Variants in POU2AF1 observed in about 807,000 individuals in gnomAD.
The protein encoded by POU2AF1 is POU domain class 2-associating factor 1.
A neutral mutation model predicts 26.3 loss-of-function variants in POU2AF1; 12 were observed. The observed-to-expected ratio is 0.46, with a 90% CI of 0.29 to 0.74. The LOEUF is 0.74. POU2AF1 is among the 30% of genes least tolerant of loss of function. The probability of loss-of-function intolerance (pLI) is 0.09; values close to 1 mark genes in which losing one functional copy is unlikely to be tolerated. For missense variants in POU2AF1, 297 were observed against 334.5 expected (o/e 0.89, Z 0.87); for synonymous variants, 175 against 148.0 (o/e 1.18, Z -1.32).
intron 1 of POU2AF1, among the ~76,000 whole-genome samples, chr11:111,371,208 T>C (rs946880524): frequency 6.6e-6 from 1 of 152,214 alleles, no homozygotes; most frequent in Admixed American, 6.5e-5. Context: ...TTAAGACTGG[T>C]CAAATCCTTT....
Position 111,358,780 on chromosome 11 carries a change from A to G in POU2AF1, c.147+8T>C. 6.4e-7 allele frequency: 1 copy of G among 1,574,530 alleles called. No homozygotes were observed. The highest frequency in any genetic ancestry group is 8.6e-7 in the Non-Finnish European group (1 of 1,164,554). ...CACACTCACACTCTCACACACACAA[A>G]CTCTCACCGCCGTAGGTGCAGGTGC... On this transcript the variant is annotated splice_region_variant and intron_variant, in intron 2 of 4. Coordinates refer to ENST00000393067, the MANE Select transcript of POU2AF1 (RefSeq NM_006235.3).
At chr11:111,363,181 C>T in intron 1 of POU2AF1, 1 of 1,014,312 alleles carries the variant, frequency 9.9e-7, no homozygotes, top group Non-Finnish European at 1.2e-6. Context: ...GTCCCCACCT[C>T]TTCCTATTGA....
chr11:111,374,308 G>A (rs1233315552), intron 1 of POU2AF1, among the ~76,000 whole-genome samples: 2 of 152,096 alleles, frequency 1.3e-5, no homozygotes, highest in Non-Finnish European at 2.9e-5. Flanking sequence ...AATTAAATCT[G>A]TGTATTTGGT....
chr11:111,354,219 A>T lies in POU2AF1; in HGVS notation c.*42T>A. ...GGGGCTCAATTCCAGGCTCATTTTA[A>T]AATCCCAGTTTCAGGGAACAGGACT... is the stretch of plus-strand genomic sequence containing the variant. On this transcript the variant is annotated 3_prime_UTR_variant, in exon 5 of 5. Transcript: ENST00000393067. 6.3e-7 allele frequency: 1 copy of T among 1,595,962 alleles called. No individual in the cohort carries two copies. The highest frequency in any genetic ancestry group is 8.5e-7 in the Non-Finnish European group (1 of 1,171,388).
At chr11:111,364,698 C>G (rs1861071708) in intron 1 of POU2AF1, among the ~76,000 whole-genome samples, 1 of 152,246 alleles carries the variant, frequency 6.6e-6, no homozygotes, top group Non-Finnish European at 1.5e-5. Flanking sequence ...GAGAGTTGCT[C>G]TAATGGCGAG....
At chr11:111,362,788 A>G (rs758415183) in intron 1 of POU2AF1, among the ~76,000 whole-genome samples, 8 of 152,148 alleles carry the variant, frequency 5.3e-5, no homozygotes, top group South Asian at 2.1e-4. Flanking sequence ...CACTGTGGTC[A>G]CCCTCTTAAT....
intron 1 of POU2AF1, among the ~76,000 whole-genome samples, chr11:111,362,636 T>C (rs1329857572): frequency 6.6e-6 from 1 of 152,218 alleles, no homozygotes. Context: ...GTTGCACACG[T>C]CAGTTCTGTT....
chr11:111,370,128 A>ATGTG (rs1861180902), intron 1 of POU2AF1, among the ~76,000 whole-genome samples: 1 of 152,196 alleles, frequency 6.6e-6, no homozygotes, highest in South Asian at 2.1e-4. Context: ...TAGCCTTCGC[A>ATGTG]AGTGAGAGTA....
At chr11:111,375,835 A>C (rs1296242375) in intron 1 of POU2AF1, among the ~76,000 whole-genome samples, 4 of 152,256 alleles carry the variant, frequency 2.6e-5, no homozygotes, top group African/African-American at 9.6e-5. Context: ...TCTCTGTCAC[A>C]ACTACTCAAC....
At chr11:111,377,097 T>C (rs1861322430) in intron 1 of POU2AF1, among the ~76,000 whole-genome samples, 1 of 151,658 alleles carries the variant, frequency 6.6e-6, no homozygotes. Context: ...TTTAAAAAAT[T>C]TGGGGGACAG....
At chr11:111,359,135 T>A in intron 1 of POU2AF1, 1 of 741,120 alleles carries the variant, frequency 1.3e-6, no homozygotes, top group Non-Finnish European at 2.1e-6. Flanking sequence ...GCCCAGCTCC[T>A]TGTCCTAGAA....
intron 4 of POU2AF1, among the ~76,000 whole-genome samples, chr11:111,356,449 A>G (rs1860847719): frequency 6.6e-6 from 1 of 152,178 alleles, no homozygotes; most frequent in Non-Finnish European, 1.5e-5. Context: ...GGGAAATGGA[A>G]GAGACAAGGT....
In POU2AF1 at chr11:111,358,814, T is replaced by A; in HGVS notation, c.121A>T (p.Ser41Cys). ...LLRRKRGHAS[S>C]GAAPAPTAVV... ...GCCGTAGGTGCAGGTGCTGCCCCAC[T>A]GCTGGCGTGGCCTCGCTTCCTCCTC... is the stretch of plus-strand genomic sequence containing the variant. The change falls in exon 2 of 5, where the codon AGT becomes TGT. Residue 41 changes from serine (S) to cysteine (C), a missense_variant. Coordinates refer to ENST00000393067, the MANE Select transcript of POU2AF1 (RefSeq NM_006235.3). 1 of 1,604,850 alleles carries A rather than the reference T, an allele frequency of 6.2e-7. No individual in the cohort carries two copies. The highest frequency in any genetic ancestry group is 8.5e-7 in the Non-Finnish European group (1 of 1,178,554).
At chr11:111,366,533 C>A (rs1318589728) in intron 1 of POU2AF1, among the ~76,000 whole-genome samples, 2 of 152,162 alleles carry the variant, frequency 1.3e-5, no homozygotes. Context: ...GTTCTCTGGT[C>A]TGGGTGGAGA....
At chr11:111,358,446 A>ACACTCACACACT (rs753932393) in intron 2 of POU2AF1, among the ~76,000 whole-genome samples, 1 of 101,022 alleles carries the variant, frequency 9.9e-6, no homozygotes, top group African/African-American at 3.6e-5. Flanking sequence ...TCACTCTCAC[A>ACACTCACACACT]CACACACACT....
At chr11:111,370,956 C>T (rs536251071) in intron 1 of POU2AF1, among the ~76,000 whole-genome samples, 1 of 152,336 alleles carries the variant, frequency 6.6e-6, no homozygotes, top group African/African-American at 2.4e-5. Context: ...GGGATGCATA[C>T]CTGCATGGGA....
In POU2AF1 at chr11:111,358,638, A is replaced by G. The variant is rs1860935039; in HGVS notation, c.147+150T>C. 3 of 984,978 alleles carry G rather than the reference A, an allele frequency of 3.0e-6. No individual in the cohort carries two copies. The African/African-American group carries it at 4.9e-5, about 16-fold the overall frequency. The allele number at this position is 984,978 out of a possible 1,614,324, so 61.0% of individuals were successfully genotyped here. On this transcript the variant is annotated intron_variant, in intron 2 of 4. Transcript: ENST00000393067. Reference sequence around the variant, plus strand: ...GACGCAGATACACATTCTCTCTCACACTATCACACTCTCACACACTCTATC... The same window carrying G: ...GACGCAGATACACATTCTCTCTCACGCTATCACACTCTCACACACTCTATC...
intron 1 of POU2AF1, among the ~76,000 whole-genome samples, chr11:111,375,762 G>T (rs1565368593): frequency 1.3e-5 from 2 of 152,154 alleles, no homozygotes; most frequent in African/African-American, 4.8e-5. Flanking sequence ...CAGACCAGAG[G>T]TTGGCAATGT....
At chr11:111,359,925 C>A (rs867715520) in intron 1 of POU2AF1, 1 of 518,928 alleles carries the variant, frequency 1.9e-6, no homozygotes, top group South Asian at 1.4e-5. Context: ...AGGCAAGTGG[C>A]TCCCAGGTTC....
Sources: gnomAD v4.1 joint callset for allele counts (sites outside exome capture counted in the v4.1 genomes callset) on GRCh38, gnomAD v4.1.1 for gene constraint, MANE v1.5 for transcripts, NCBI Gene and HGNC (gene_info 2026-07-23, HGNC 2026-07-21) for gene names.